The following CWC27 variants were observed in gnomAD, a reference collection of about 807,000 sequenced individuals.
CWC27 encodes the protein spliceosome-associated protein CWC27 homolog.
In CWC27, 47 loss-of-function variants were observed where a neutral mutation model predicts 63.6. The observed-to-expected ratio is 0.74, with a 90% CI of 0.58 to 0.94. CWC27 has a LOEUF of 0.94. Ranked by LOEUF, CWC27 falls within the 40% of genes least tolerant of loss-of-function variation. The pLI, the probability that CWC27 is intolerant of heterozygous loss-of-function variation, is 0.00. For synonymous variants in CWC27, 175 were observed against 179.8 expected (o/e 0.97, Z 0.22); for missense variants, 495 against 554.3 (o/e 0.89, Z 1.07).
rs80244803 is a variant in CWC27, at chr5:64,872,833, G to A, written c.939-12610G>A. On this transcript the variant is annotated intron_variant, in intron 10 of 13. Transcript: ENST00000381070. ...TTATTCTGTGTGCTATATTTTAGAC[G>A]TCTGTCTTCACAACAAAATTTCTCC... Among the ~76,000 whole-genome samples, 221 of 152,042 alleles carry A rather than the reference G, an allele frequency of 1.5e-3. 1 individual carries two copies. The highest frequency in any genetic ancestry group is 4.9e-3 in the African/African-American group (202 of 41,486).
intron 10 of CWC27, among the ~76,000 whole-genome samples, chr5:64,843,308 C>T (rs1000589953): frequency 1.3e-5 from 2 of 152,166 alleles, no homozygotes; most frequent in African/African-American, 4.8e-5. Context: ...CTCAAGAGAG[C>T]CTTTCTTTGA....
chr5:64,852,130 T>A (rs1312105642), intron 10 of CWC27, among the ~76,000 whole-genome samples: 1 of 152,152 alleles, frequency 6.6e-6, no homozygotes, highest in Non-Finnish European at 1.5e-5. Context: ...GAAATGTTCT[T>A]AGAGAGGGAA....
At chr5:64,888,050 T>C (rs564071995) in intron 11 of CWC27, among the ~76,000 whole-genome samples, 45 of 152,056 alleles carry the variant, frequency 3.0e-4, no homozygotes, top group Middle Eastern at 3.4e-3. Flanking sequence ...CTAAAAACAG[T>C]ACTCCGATTA....
intron 11 of CWC27, among the ~76,000 whole-genome samples, chr5:64,919,827 T>C (rs889346075): frequency 6.6e-6 from 1 of 152,220 alleles, no homozygotes; most frequent in Non-Finnish European, 1.5e-5. Flanking sequence ...TTGTTATCAA[T>C]GTATAGAAAT....
At chr5:64,794,035 T>C (rs1349193217) in intron 7 of CWC27, among the ~76,000 whole-genome samples, 2 of 152,142 alleles carry the variant, frequency 1.3e-5, no homozygotes, top group Admixed American at 1.3e-4. Context: ...TGATAAAATC[T>C]CTTAGAATCA....
At chr5:64,949,500 A>G (rs756950585) in intron 11 of CWC27, among the ~76,000 whole-genome samples, 95 of 151,960 alleles carry the variant, frequency 6.3e-4, no homozygotes, top group Non-Finnish European at 1.1e-3. Flanking sequence ...AATCCTGCCA[A>G]TACATTCTGT....
In CWC27 at chr5:64,905,204, A is replaced by AAAAAAAAAAAAAC. The variant is rs1747603874; in HGVS notation, c.1042+19670_1042+19671insCAAAAAAAAAAAA. Among the ~76,000 whole-genome samples the AAAAAAAAAAAAAC allele has an allele frequency of 2.1e-5, 3 of 143,370 alleles. 1 individual carries two copies. Among genetic ancestry groups the AAAAAAAAAAAAAC allele is most frequent in the African/African-American group, 8.6e-5 (3 of 34,874 alleles). The allele number at this position is 143,370 out of a possible 152,430, so 94.1% of individuals were successfully genotyped here. On this transcript the variant is annotated intron_variant, in intron 11 of 13. Coordinates refer to ENST00000381070, the MANE Select transcript of CWC27 (RefSeq NM_005869.4). ...CGACAGAGCCACACTACATCTCAAAAAAAAAAAAAAAAAAAAAAAACACCT... is the reference window on the plus strand; with the variant it reads ...CGACAGAGCCACACTACATCTCAAAAAAAAAAAAAAAACAAAAAAAAAAAAAAAAAAAACACCT...
chr5:64,905,227 C>T (rs1035251223), intron 11 of CWC27, among the ~76,000 whole-genome samples: 16 of 139,498 alleles, frequency 1.1e-4, no homozygotes, highest in African/African-American at 4.6e-4. Context: ...AAAAAAAACA[C>T]CTAATGAATG....
At chr5:65,009,762 T>C (rs930675948) in intron 13 of CWC27, among the ~76,000 whole-genome samples, 1 of 152,250 alleles carries the variant, frequency 6.6e-6, no homozygotes, top group Non-Finnish European at 1.5e-5. Context: ...TGATGGCACC[T>C]TGATCTGGGA....
chr5:65,008,839 A>G (rs1749894536), intron 13 of CWC27, among the ~76,000 whole-genome samples: 1 of 152,212 alleles, frequency 6.6e-6, no homozygotes, highest in Non-Finnish European at 1.5e-5. Flanking sequence ...TCTAGTGTAG[A>G]TAGGACATAT....
chr5:64,949,828 C>A (rs1277943353), intron 11 of CWC27, among the ~76,000 whole-genome samples: 4 of 151,952 alleles, frequency 2.6e-5, no homozygotes, highest in Non-Finnish European at 5.9e-5. Context: ...CTCTAAGATT[C>A]CTGTCCTGAT....
chr5:64,892,363 T>G (rs528515383), intron 11 of CWC27, among the ~76,000 whole-genome samples: 2 of 151,782 alleles, frequency 1.3e-5, no homozygotes, highest in East Asian at 3.9e-4. Flanking sequence ...GTCTCTTTAT[T>G]TAAAAAAAAA....
chr5:64,790,240 G>A (rs7705022), intron 7 of CWC27, among the ~76,000 whole-genome samples: 1,624 of 152,172 alleles, frequency 0.011, 23 homozygotes, highest in African/African-American at 0.037. Context: ...CTTGTTCAGA[G>A]TTGCTTTAGG....
At chr5:64,844,213 T>C (rs1054962646) in intron 10 of CWC27, among the ~76,000 whole-genome samples, 3 of 152,150 alleles carry the variant, frequency 2.0e-5, no homozygotes, top group Non-Finnish European at 4.4e-5. Context: ...TCTGATATGC[T>C]TCTTATGAAA....
intron 9 of CWC27, among the ~76,000 whole-genome samples, chr5:64,802,826 G>T (rs2112211332): frequency 6.6e-6 from 1 of 152,258 alleles, no homozygotes. Flanking sequence ...CATAATATGG[G>T]TCTAGAAGTT....
intron 11 of CWC27, among the ~76,000 whole-genome samples, chr5:64,904,821 T>A (rs574133535): frequency 6.6e-6 from 1 of 152,166 alleles, no homozygotes. Context: ...TCCTAAGATA[T>A]CTTTCAGCTC....
At chr5:64,844,827 G>A in intron 10 of CWC27, 2 of 448,620 alleles carry the variant, frequency 4.5e-6, no homozygotes, top group South Asian at 3.1e-5. Flanking sequence ...ACTCAACTCT[G>A]CCACAAAGCA....
At chr5:64,769,252 G>A in intron 1 of CWC27, 64 bp downstream of exon 1, 2 of 1,492,352 alleles carry the variant, frequency 1.3e-6, no homozygotes, top group South Asian at 2.3e-5. Flanking sequence ...CCCGGATTTG[G>A]GGTGGGGAGT....
chr5:64,788,157 A>G (rs1375537528), intron 6 of CWC27, among the ~76,000 whole-genome samples: 3 of 152,052 alleles, frequency 2.0e-5, no homozygotes, highest in African/African-American at 4.8e-5. Context: ...CTATCTCTGG[A>G]TGAAAGGTCA....
Sources: allele counts gnomAD v4.1 joint callset (sites outside exome capture counted in the v4.1 genomes callset), GRCh38; gene constraint gnomAD v4.1.1; transcripts MANE v1.5; gene names NCBI Gene and HGNC (gene_info 2026-07-23, HGNC 2026-07-21).